ASPH: variants seen among roughly 807,000 people sequenced by gnomAD.
ASPH encodes the protein aspartate beta-hydroxylase.
Under a neutral mutation model 118.4 loss-of-function variants are expected in ASPH, and 100 were observed. That is an observed-to-expected ratio of 0.84 (90% CI 0.72 to 1.00). The LOEUF is 1.00. Among genes scored for constraint, ASPH ranks in the 50% least tolerant of loss-of-function variants. ASPH has a pLI of 0.00. For synonymous variants in ASPH, 315 were observed against 325.6 expected (o/e 0.97, Z 0.35); for missense variants, 920 against 919.5 (o/e 1.00, Z -0.01).
At chr8:61,572,595 T>C (rs564206678) in intron 16 of ASPH, among the ~76,000 whole-genome samples, 2 of 152,302 alleles carry the variant, frequency 1.3e-5, no homozygotes, top group East Asian at 1.9e-4. Context: ...CTCTGATGTT[T>C]TTACATCTAA....
intron 24 of ASPH, among the ~76,000 whole-genome samples, chr8:61,507,435 A>G (rs1208087205): frequency 6.6e-6 from 1 of 152,248 alleles, no homozygotes; most frequent in Admixed American, 6.5e-5. Context: ...CCCAGAAAAT[A>G]GCAAAGATAG....
chr8:61,522,832 C>T (rs140127946), intron 22 of ASPH, among the ~76,000 whole-genome samples: 5 of 152,258 alleles, frequency 3.3e-5, no homozygotes, highest in Admixed American at 1.3e-4. Flanking sequence ...GTGTTTCTTC[C>T]GCTTCTTATC....
chr8:61,505,477 G>C (rs893289588), intron 24 of ASPH, among the ~76,000 whole-genome samples: 48 of 124,188 alleles, frequency 3.9e-4, no homozygotes, highest in African/African-American at 1.4e-3. Flanking sequence ...CTGAGTGACA[G>C]AGCAAGACTC....
chr8:61,616,302 C>A (rs1050205213), intron 14 of ASPH, among the ~76,000 whole-genome samples: 12 of 152,120 alleles, frequency 7.9e-5, no homozygotes, highest in African/African-American at 2.9e-4. Flanking sequence ...GTACGGGCTG[C>A]TAAGACTAGA....
At chr8:61,599,022 A>C (rs1189390923) in intron 14 of ASPH, among the ~76,000 whole-genome samples, 1 of 152,228 alleles carries the variant, frequency 6.6e-6, no homozygotes, top group African/African-American at 2.4e-5. Context: ...TAAGCACTAA[A>C]CACCTACAAC....
Position 61,674,101 on chromosome 8 carries a change from ACTT to A in ASPH, c.322+6864_322+6866del, listed in dbSNP as rs140356064. On this transcript the variant is annotated intron_variant, in intron 3 of 24. Transcript: ENST00000379454. ...TTTTTAACACAAAATTTAATCATTT[ACTT>A]CTTATCAATTAATCGAATATCTTCT... Among the ~76,000 whole-genome samples, 1,104 of 152,370 alleles carry A rather than the reference ACTT, an allele frequency of 7.2e-3. 11 individuals are homozygous for A. The highest frequency in any genetic ancestry group is 0.012 in the Non-Finnish European group (844 of 68,024).
At chr8:61,508,756 G>A (rs994380397) in intron 24 of ASPH, among the ~76,000 whole-genome samples, 8 of 152,244 alleles carry the variant, frequency 5.3e-5, no homozygotes, top group African/African-American at 1.9e-4. Context: ...CCATGGTCAA[G>A]AGACATTCTT....
intron 1 of ASPH, 31 bp downstream of exon 1, chr8:61,714,238 C>G (rs763987741): frequency 4.1e-6 from 6 of 1,467,870 alleles, no homozygotes; most frequent in Middle Eastern, 2.4e-4. Flanking sequence ...CGAGGCGAGG[C>G]CCCAGATCCC....
In ASPH at chr8:61,646,954, C is replaced by A; in HGVS notation, c.491-76G>T. 2 of 1,584,084 alleles carry A rather than the reference C, an allele frequency of 1.3e-6. 1 individual carries two copies. The highest frequency in any genetic ancestry group is 2.3e-5 in the South Asian group (2 of 88,450). On this transcript the variant is annotated intron_variant, in intron 5 of 24. Transcript: ENST00000379454. ...GCCCCTTGTGAAGGGCTGCCACACA[C>A]CTGCTCCTGCTGCTGGGGCTTCCCC...
intron 1 of ASPH, among the ~76,000 whole-genome samples, chr8:61,704,405 A>T (rs964980396): frequency 9.9e-5 from 15 of 152,028 alleles, no homozygotes; most frequent in Admixed American, 3.9e-4. Context: ...ATGCTCATAG[A>T]CAAACATAAA....
chr8:61,647,520 A>G (rs919573487), intron 5 of ASPH, among the ~76,000 whole-genome samples: 16 of 151,844 alleles, frequency 1.1e-4, no homozygotes, highest in African/African-American at 3.6e-4. Flanking sequence ...AAAATACAAA[A>G]ATTAGTCATG....
chr8:61,582,457 A>G (rs554361830), intron 15 of ASPH, among the ~76,000 whole-genome samples: 1 of 152,368 alleles, frequency 6.6e-6, no homozygotes, highest in East Asian at 1.9e-4. Context: ...CTATTAAGAA[A>G]TACAAACTGA....
At chr8:61,530,233 A>G (rs190037022) in intron 21 of ASPH, among the ~76,000 whole-genome samples, 3 of 152,360 alleles carry the variant, frequency 2.0e-5, no homozygotes, top group Admixed American at 6.5e-5. Flanking sequence ...AAACTGAAAG[A>G]GAAACTAATT....
At chr8:61,685,677 A>G (rs1437719804) in intron 1 of ASPH, among the ~76,000 whole-genome samples, 1 of 152,140 alleles carries the variant, frequency 6.6e-6, no homozygotes, top group Non-Finnish European at 1.5e-5. Context: ...TTTTTTAAAA[A>G]TACACCACTA....
intron 14 of ASPH, among the ~76,000 whole-genome samples, chr8:61,590,369 G>A (rs1840731760): frequency 6.6e-6 from 1 of 152,022 alleles, no homozygotes; most frequent in Non-Finnish European, 1.5e-5. Flanking sequence ...GCAAGAACTG[G>A]GTTTTTGAAA....
chr8:61,627,504 G>A (rs546993265), intron 13 of ASPH, among the ~76,000 whole-genome samples: 73 of 152,170 alleles, frequency 4.8e-4, no homozygotes, highest in Non-Finnish European at 9.0e-4. Flanking sequence ...TCTGAGTAAC[G>A]GGTACGAGTA....
At chr8:61,665,207 C>T (rs370736784) in intron 3 of ASPH, 131 of 1,528,112 alleles carry the variant, frequency 8.6e-5, no homozygotes, top group Non-Finnish European at 1.0e-4. Context: ...TAACAAACTG[C>T]AATCTGGAAC....
At position 61,517,579 on chromosome 8, in the gene ASPH, C is replaced by T; in HGVS notation, c.2075G>A (p.Gly692Asp). 6.2e-7 allele frequency: 1 copy of T among 1,614,126 alleles called. No homozygotes were observed. The highest frequency in any genetic ancestry group is 8.5e-7 in the Non-Finnish European group (1 of 1,179,984). ...GCAGCCTTCCTTGGGAATCACCAAG[C>T]CCAGGTGCATTCGGAGCCTGCAGTT... is the stretch of plus-strand genomic sequence containing the variant. Reference protein sequence around the residue: ...PTNCRLRMHLGLVIPKEGCKI... With the variant: ...PTNCRLRMHLDLVIPKEGCKI... The change falls in exon 24 of 25, where the codon GGC becomes GAC. Residue 692 changes from glycine to aspartate, a missense_variant. Gly to Asp is a moderately conservative substitution (Grantham distance 94, BLOSUM62 -1). Coordinates refer to ENST00000379454, the MANE Select transcript of ASPH (RefSeq NM_004318.4).
intron 1 of ASPH, among the ~76,000 whole-genome samples, chr8:61,698,804 A>T (rs925326071): frequency 6.6e-6 from 1 of 152,244 alleles, no homozygotes; most frequent in African/African-American, 2.4e-5. Context: ...GAAGAAGACC[A>T]AATATATATT....
Sources: allele counts gnomAD v4.1 joint callset (sites outside exome capture counted in the v4.1 genomes callset), GRCh38; gene constraint gnomAD v4.1.1; transcripts MANE v1.5; gene names NCBI Gene and HGNC (gene_info 2026-07-23, HGNC 2026-07-21).